LRRC37A3: variants seen among roughly 807,000 people sequenced by gnomAD.
The protein encoded by LRRC37A3 is leucine rich repeat containing 37 member A3, also known as leucine-rich repeat-containing protein 37A3.
Under a neutral mutation model 106.2 loss-of-function variants are expected in LRRC37A3, and 25 were observed. The observed-to-expected ratio is 0.24, with a 90% CI of 0.17 to 0.33. LRRC37A3 has a LOEUF of 0.33. LRRC37A3 is among the 10% of genes least tolerant of loss of function. LRRC37A3 has a pLI of 1.00. For synonymous variants in LRRC37A3, 305 were observed against 635.8 expected (o/e 0.48, Z 7.83); for missense variants, 712 against 1,644.9 (o/e 0.43, Z 9.81).
At chr17:64,877,722 A>G (rs1598411155) in intron 8 of LRRC37A3, among the ~76,000 whole-genome samples, 2 of 152,236 alleles carry the variant, frequency 1.3e-5, no homozygotes, top group East Asian at 1.9e-4. Flanking sequence ...GTAAAATAAC[A>G]AAGTGGGAAG....
chr17:64,919,306 G>A lies in LRRC37A3; in HGVS notation c.-617+125C>T, dbSNP rs1974778994. On this transcript the variant is annotated intron_variant, in intron 1 of 14. Coordinates refer to ENST00000584306, the MANE Select transcript of LRRC37A3 (RefSeq NM_199340.5). ...AAGGGAAAGCGGCCGGGAAGGGGCG[G>A]GCGCAATGGGCGCAGTGGGGGCGGC... The A allele has an allele frequency of 1.1e-5, 5 of 439,486 alleles. No individual in the cohort carries two copies. In the East Asian group the frequency reaches 2.3e-4, roughly 20 times the overall value. 27.2% of individuals were successfully genotyped at this position (439,486 alleles called of 1,614,324 possible). A position where few individuals can be genotyped will look rare whatever the true frequency, so the allele number is the denominator to read the frequency against.
At chr17:64,907,669 A>AT (rs1974493419) in intron 2 of LRRC37A3, among the ~76,000 whole-genome samples, 1 of 151,888 alleles carries the variant, frequency 6.6e-6, no homozygotes, top group Admixed American at 6.6e-5. Flanking sequence ...CTTAAACTAG[A>AT]TAACAGTGGG....
chr17:64,910,045 T>A (rs1974551863), intron 2 of LRRC37A3: 1 of 152,238 alleles, frequency 6.6e-6, no homozygotes, highest in South Asian at 2.1e-4. Context: ...AGGATCTACA[T>A]GGATGTTCTG....
intron 8 of LRRC37A3, among the ~76,000 whole-genome samples, chr17:64,883,233 C>T (rs1973762373): frequency 6.6e-6 from 1 of 152,162 alleles, no homozygotes; most frequent in Non-Finnish European, 1.5e-5. Context: ...CTTTACTGTG[C>T]TTGGGCCAGC....
chr17:64,876,354 T>C (rs1297086207), intron 8 of LRRC37A3, among the ~76,000 whole-genome samples: 1 of 152,108 alleles, frequency 6.6e-6, no homozygotes. Context: ...AGCTAACTTT[T>C]AAATTTTTTT....
chr17:64,911,200 C>G (rs1974582590), intron 2 of LRRC37A3, among the ~76,000 whole-genome samples: 1 of 148,598 alleles, frequency 6.7e-6, no homozygotes, highest in Non-Finnish European at 1.5e-5. Context: ...TTCCCAGATA[C>G]CATTTCTGCT....
At chr17:64,915,821 G>C (rs959575401) in intron 2 of LRRC37A3, among the ~76,000 whole-genome samples, 2 of 152,218 alleles carry the variant, frequency 1.3e-5, no homozygotes, top group African/African-American at 4.8e-5. Flanking sequence ...AAATTGGCCA[G>C]GCATGGTGGC....
At chr17:64,873,954 A>G (rs1352574885) in intron 8 of LRRC37A3, among the ~76,000 whole-genome samples, 2 of 152,218 alleles carry the variant, frequency 1.3e-5, no homozygotes, top group Non-Finnish European at 2.9e-5. Flanking sequence ...AAGGAACTAC[A>G]AGTAGGAAAA....
intron 8 of LRRC37A3, chr17:64,877,035 C>G (rs925781499): frequency 4.6e-5 from 7 of 152,166 alleles, no homozygotes; most frequent in African/African-American, 1.4e-4. Context: ...AATAATAGCA[C>G]GATTCTCCAA....
intron 10 of LRRC37A3, among the ~76,000 whole-genome samples, chr17:64,867,368 G>A (rs914945404): frequency 6.6e-6 from 1 of 150,870 alleles, no homozygotes; most frequent in Non-Finnish European, 1.5e-5. Flanking sequence ...CCTAATTTGT[G>A]CATTTTTAGT....
chr17:64,857,889 G>A (rs1972734571), intron 13 of LRRC37A3, among the ~76,000 whole-genome samples: 1 of 152,222 alleles, frequency 6.6e-6, no homozygotes, highest in South Asian at 2.1e-4. Flanking sequence ...CATGGAAATG[G>A]TAAATGAGGC....
At chr17:64,876,176 ATT>A (rs1304313533) in intron 8 of LRRC37A3, among the ~76,000 whole-genome samples, 2 of 151,778 alleles carry the variant, frequency 1.3e-5, no homozygotes, top group Non-Finnish European at 2.9e-5. Flanking sequence ...GGCCACAAAC[ATT>A]TTGTTTTTTT....
chr17:64,917,916 T>C (rs1974742480), intron 2 of LRRC37A3, among the ~76,000 whole-genome samples: 1 of 148,300 alleles, frequency 6.7e-6, no homozygotes, highest in Non-Finnish European at 1.5e-5. Flanking sequence ...TGTGGTGAGC[T>C]GAGATCGCGC....
At chr17:64,874,905 G>C (rs1047357616) in intron 8 of LRRC37A3, among the ~76,000 whole-genome samples, 12 of 151,730 alleles carry the variant, frequency 7.9e-5, no homozygotes, top group South Asian at 2.1e-4. Flanking sequence ...CAGCATGCTC[G>C]TTAAGAGTCA....
At chr17:64,863,958 C>A (rs1469091357) in intron 10 of LRRC37A3, among the ~76,000 whole-genome samples, 3 of 151,424 alleles carry the variant, frequency 2.0e-5, no homozygotes, top group Non-Finnish European at 4.4e-5. Flanking sequence ...GCTTGCACCA[C>A]CATGCCCAGC....
In LRRC37A3 at chr17:64,854,583, G is replaced by A; in HGVS notation, c.*16C>T. ...TGTATTTTTGCAGGAGGCCTGAGGT[G>A]GGCTGGGTTCTCCTCCTATGGCAGG... On this transcript the variant is annotated 3_prime_UTR_variant, in exon 15 of 15. Transcript: ENST00000584306. The A allele has an allele frequency of 6.2e-7, 1 of 1,613,892 alleles. No individual in the cohort carries two copies. The highest frequency in any genetic ancestry group is 1.1e-5 in the South Asian group (1 of 91,070).
chr17:64,856,022 T>C (rs1972666436), intron 13 of LRRC37A3, 133 bp from the exon 14 acceptor site: 2 of 1,578,260 alleles, frequency 1.3e-6, no homozygotes, highest in East Asian at 2.3e-5. Flanking sequence ...AGGAATTGCA[T>C]ACTGTGTAAC....
intron 8 of LRRC37A3, chr17:64,871,596 T>C (rs957072383): frequency 6.6e-6 from 1 of 152,142 alleles, no homozygotes; most frequent in Non-Finnish European, 1.5e-5. Context: ...GCTCTAGTCC[T>C]GAACTGGGCT....
chr17:64,873,867 A>G (rs1193678487), intron 8 of LRRC37A3, among the ~76,000 whole-genome samples: 1 of 152,184 alleles, frequency 6.6e-6, no homozygotes, highest in Non-Finnish European at 1.5e-5. Context: ...AGAAAAAAGG[A>G]GAAAGAATAT....
Sources: gnomAD v4.1 joint callset for allele counts (sites outside exome capture counted in the v4.1 genomes callset) on GRCh38, gnomAD v4.1.1 for gene constraint, MANE v1.5 for transcripts, NCBI Gene and HGNC (gene_info 2026-07-23, HGNC 2026-07-21) for gene names.